The following CCSER1 variants were observed in gnomAD, a reference collection of about 807,000 sequenced individuals.
The protein encoded by CCSER1 is serine-rich coiled-coil domain-containing protein 1.
Under a neutral mutation model 82.0 loss-of-function variants are expected in CCSER1, and 41 were observed. The observed-to-expected ratio is 0.50, with a 90% CI of 0.39 to 0.65. CCSER1 has a LOEUF of 0.65. Among genes scored for constraint, CCSER1 ranks in the 30% least tolerant of loss-of-function variants. CCSER1 has a pLI of 0.00. For missense variants in CCSER1, 1,119 were observed against 1,064.2 expected, an observed-to-expected ratio of 1.05 and a Z score of -0.72; for synonymous variants, 414 against 383.9, an observed-to-expected ratio of 1.08 and a Z score of -0.92.
chr4:90,607,179 C>G (rs1784836298), intron 5 of CCSER1, among the ~76,000 whole-genome samples: 2 of 152,068 alleles, frequency 1.3e-5, no homozygotes, highest in Admixed American at 1.3e-4. Flanking sequence ...GAATATAATA[C>G]ATTAGTTAGT....
At chr4:91,220,813 T>C (rs1737669699) in intron 10 of CCSER1, among the ~76,000 whole-genome samples, 2 of 152,162 alleles carry the variant, frequency 1.3e-5, no homozygotes, top group Admixed American at 6.5e-5. Flanking sequence ...TATGAGATGA[T>C]ACATATGTTA....
intron 1 of CCSER1, among the ~76,000 whole-genome samples, chr4:90,230,309 G>T (rs542529357): frequency 4.9e-4 from 75 of 152,214 alleles, no homozygotes; most frequent in African/African-American, 1.1e-3. Context: ...AACTCAGGAT[G>T]AAGAAACTCA....
At chr4:90,415,736 T>C (rs1376504801) in intron 4 of CCSER1, among the ~76,000 whole-genome samples, 3 of 152,230 alleles carry the variant, frequency 2.0e-5, no homozygotes. Flanking sequence ...AGGTCCTGTT[T>C]CTATTTCGGC....
At chr4:91,414,292 T>C (rs1372532167) in intron 10 of CCSER1, among the ~76,000 whole-genome samples, 1 of 152,060 alleles carries the variant, frequency 6.6e-6, no homozygotes, top group Non-Finnish European at 1.5e-5. Flanking sequence ...AACATTAAAT[T>C]TGAGGGGGCA....
chr4:91,576,819 G>GCGTTTTGGATTTTGAT (rs943903743), intron 10 of CCSER1, among the ~76,000 whole-genome samples: 1 of 151,870 alleles, frequency 6.6e-6, no homozygotes, highest in African/African-American at 2.4e-5. Flanking sequence ...TGGATTTTGA[G>GCGTTTTGGATTTTGAT]CATTTTGGAT....
intron 9 of CCSER1, among the ~76,000 whole-genome samples, chr4:90,941,849 T>G (rs1269891127): frequency 1.3e-5 from 2 of 152,214 alleles, no homozygotes; most frequent in Non-Finnish European, 2.9e-5. Flanking sequence ...TCGATGTATA[T>G]ATCCCTCATT....
intron 7 of CCSER1, among the ~76,000 whole-genome samples, chr4:90,798,189 T>C (rs1756299284): frequency 6.6e-6 from 1 of 151,968 alleles, no homozygotes; most frequent in South Asian, 2.1e-4. Context: ...TTCTTTTTTC[T>C]CTATATTTGT....
At chr4:90,753,549 T>C (rs999000717) in intron 7 of CCSER1, among the ~76,000 whole-genome samples, 9 of 152,114 alleles carry the variant, frequency 5.9e-5, no homozygotes, top group Admixed American at 2.0e-4. Context: ...AATATATAAA[T>C]ATATTCCAAA....
At chr4:90,190,277 A>G (rs1183460996) in intron 1 of CCSER1, among the ~76,000 whole-genome samples, 1 of 152,100 alleles carries the variant, frequency 6.6e-6, no homozygotes, top group Non-Finnish European at 1.5e-5. Context: ...ATTCAAGATG[A>G]AAAGTATAAT....
chr4:90,503,470 G>A (rs1770216712), intron 5 of CCSER1, among the ~76,000 whole-genome samples: 1 of 152,056 alleles, frequency 6.6e-6, no homozygotes, highest in African/African-American at 2.4e-5. Flanking sequence ...GTGCAGGTTA[G>A]TTACATATGT....
At chr4:90,144,009 T>C (rs1202410256) in intron 1 of CCSER1, among the ~76,000 whole-genome samples, 1 of 152,192 alleles carries the variant, frequency 6.6e-6, no homozygotes. Context: ...TTTGTTATCA[T>C]CACATTTCCT....
rs1726921205 is a variant in CCSER1 at position 90,273,250 on chromosome 4, A to G, written c.-41-34994A>G. Among the ~76,000 whole-genome samples the G allele has an allele frequency of 2.0e-5, 3 of 152,082 alleles. No homozygotes were observed. The East Asian group carries it at 5.8e-4, about 29-fold the overall frequency. On this transcript the variant is annotated intron_variant, in intron 1 of 10. Transcript: ENST00000509176. ...GTGGGGGTGGATGGGAAGATGGGAT[A>G]GTTAATGGGTACAGAAAAGTAGAAT...
At chr4:91,225,852 C>A (rs906239634) in intron 10 of CCSER1, among the ~76,000 whole-genome samples, 4 of 151,812 alleles carry the variant, frequency 2.6e-5, no homozygotes, top group African/African-American at 9.7e-5. Context: ...GGGTTAGGAG[C>A]AGAGGTGATT....
chr4:91,328,843 C>T (rs890144825), intron 10 of CCSER1, among the ~76,000 whole-genome samples: 11 of 152,076 alleles, frequency 7.2e-5, no homozygotes, highest in Admixed American at 2.6e-4. Context: ...GATGGGACCA[C>T]GTAGAGATAG....
chr4:90,418,754 T>C (rs1178544501), intron 4 of CCSER1, among the ~76,000 whole-genome samples: 1 of 152,046 alleles, frequency 6.6e-6, no homozygotes, highest in African/African-American at 2.4e-5. Context: ...CTTTTTAAGT[T>C]ATGGGCATCA....
chr4:90,407,084 GA>G (rs1489042555), intron 4 of CCSER1, among the ~76,000 whole-genome samples: 1 of 151,800 alleles, frequency 6.6e-6, no homozygotes, highest in South Asian at 2.1e-4. Flanking sequence ...CTTTTTCTTC[GA>G]AAAAAATAAA....
At chr4:91,219,143 A>C (rs1394472689) in intron 10 of CCSER1, among the ~76,000 whole-genome samples, 3 of 152,094 alleles carry the variant, frequency 2.0e-5, no homozygotes, top group African/African-American at 7.2e-5. Flanking sequence ...TGTAATACAA[A>C]GTTTCTTAAA....
intron 9 of CCSER1, among the ~76,000 whole-genome samples, chr4:90,978,546 C>T (rs940122051): frequency 2.0e-5 from 3 of 151,596 alleles, no homozygotes; most frequent in African/African-American, 7.3e-5. Context: ...AATTTAGATT[C>T]AGGGAATGTG....
intron 1 of CCSER1, among the ~76,000 whole-genome samples, chr4:90,187,287 C>G (rs1734776644): frequency 6.6e-6 from 1 of 150,504 alleles, no homozygotes. Flanking sequence ...TTATTTCATT[C>G]TTAGTGATGC....
Sources: allele counts gnomAD v4.1 joint callset (sites outside exome capture counted in the v4.1 genomes callset), GRCh38; gene constraint gnomAD v4.1.1; transcripts MANE v1.5; gene names NCBI Gene and HGNC (gene_info 2026-07-23, HGNC 2026-07-21).